NRXN1: variants seen among roughly 807,000 people sequenced by gnomAD.
NRXN1 encodes the protein neurexin 1, also known as neurexin-1.
Under a neutral mutation model 150.9 loss-of-function variants are expected in NRXN1, and 39 were observed. That is an observed-to-expected ratio of 0.26 (90% CI 0.20 to 0.34). NRXN1 has a LOEUF of 0.34. Ranked by LOEUF, NRXN1 falls within the 10% of genes least tolerant of loss-of-function variation. NRXN1 has a pLI of 1.00. For synonymous variants in NRXN1, 924 were observed against 757.0 expected, an observed-to-expected ratio of 1.22 and a Z score of -3.62; for missense variants, 1,815 against 1,949.9, an observed-to-expected ratio of 0.93 and a Z score of 1.30.
chr2:51,001,470 C>A (rs951945372), intron 2 of NRXN1, among the ~76,000 whole-genome samples: 1 of 149,022 alleles, frequency 6.7e-6, no homozygotes, highest in Non-Finnish European at 1.5e-5. Context: ...AAAAAAGATC[C>A]ACACATTTAT....
intron 5 of NRXN1, among the ~76,000 whole-genome samples, chr2:50,672,182 T>C (rs1480682998): frequency 1.3e-5 from 2 of 151,928 alleles, no homozygotes; most frequent in African/African-American, 4.8e-5. Context: ...ACTTAAATAA[T>C]TTGATTTTTT....
intron 2 of NRXN1, among the ~76,000 whole-genome samples, chr2:50,972,295 A>G (rs921802607): frequency 1.3e-4 from 20 of 152,110 alleles, no homozygotes; most frequent in African/African-American, 4.6e-4. Flanking sequence ...GTTAATATTA[A>G]TGCTTTATGT....
chr2:50,368,939 C>G (rs964855574), intron 17 of NRXN1, among the ~76,000 whole-genome samples: 1 of 151,880 alleles, frequency 6.6e-6, no homozygotes, highest in African/African-American at 2.4e-5. Flanking sequence ...GAAATTATAG[C>G]ATTTGTAATA....
At chr2:50,678,979 T>A (rs1689953511) in intron 5 of NRXN1, among the ~76,000 whole-genome samples, 1 of 151,974 alleles carries the variant, frequency 6.6e-6, no homozygotes, top group Non-Finnish European at 1.5e-5. Context: ...AGATGTACGG[T>A]CAGAGTTGGG....
intron 17 of NRXN1, among the ~76,000 whole-genome samples, chr2:50,440,731 T>C (rs2085878620): frequency 2.0e-5 from 3 of 152,188 alleles, no homozygotes; most frequent in African/African-American, 7.2e-5. Context: ...ATCTTATATT[T>C]CCTCTAAGAG....
chr2:50,095,845 G>A (rs1319976613), intron 18 of NRXN1, among the ~76,000 whole-genome samples: 2 of 150,140 alleles, frequency 1.3e-5, no homozygotes, highest in Non-Finnish European at 3.0e-5. Flanking sequence ...GTGCAGGTTT[G>A]TTACATATGT....
chr2:50,976,351 GA>G (rs1158336461), intron 2 of NRXN1, among the ~76,000 whole-genome samples: 1 of 151,550 alleles, frequency 6.6e-6, no homozygotes, highest in African/African-American at 2.4e-5. Context: ...TTTTTCCCTT[GA>G]AAATGATTGA....
intron 5 of NRXN1, among the ~76,000 whole-genome samples, chr2:50,897,228 C>T (rs529834000): frequency 4.6e-5 from 7 of 152,288 alleles, no homozygotes; most frequent in Admixed American, 2.6e-4. Flanking sequence ...ATAAGTACCA[C>T]GTAGGACTGG....
chr2:50,887,696 A>G (rs1445472209), intron 5 of NRXN1, among the ~76,000 whole-genome samples: 1 of 151,462 alleles, frequency 6.6e-6, no homozygotes, highest in African/African-American at 2.4e-5. Context: ...ATAATAGCTA[A>G]TAACTATCAT....
At chr2:50,482,711 C>T (rs985016314) in intron 15 of NRXN1, among the ~76,000 whole-genome samples, 33 of 152,030 alleles carry the variant, frequency 2.2e-4, no homozygotes, top group African/African-American at 7.5e-4. Flanking sequence ...GCTGCATTCC[C>T]GAAAGGTTAG....
chr2:50,649,720 A>G (rs1685333563), intron 5 of NRXN1, among the ~76,000 whole-genome samples: 1 of 151,996 alleles, frequency 6.6e-6, no homozygotes, highest in South Asian at 2.1e-4. Context: ...GGATTAATAT[A>G]TCATTGTCTG....
At chr2:50,927,847 A>C (rs535071376) in intron 2 of NRXN1, among the ~76,000 whole-genome samples, 4 of 152,092 alleles carry the variant, frequency 2.6e-5, no homozygotes, top group Admixed American at 1.3e-4. Flanking sequence ...TTCGGTAGAA[A>C]TTTTGGTAAA....
chr2:50,047,570 A>G (rs1294754644), intron 21 of NRXN1, among the ~76,000 whole-genome samples: 1 of 152,034 alleles, frequency 6.6e-6, no homozygotes, highest in Non-Finnish European at 1.5e-5. Context: ...TCTGGGTCTG[A>G]AGAAATGCCT....
intron 5 of NRXN1, among the ~76,000 whole-genome samples, chr2:50,827,813 G>A (rs376204771): frequency 2.0e-5 from 3 of 150,484 alleles, no homozygotes; most frequent in Non-Finnish European, 4.4e-5. Context: ...GACTCTTAAC[G>A]AGCATGCTGC....
intron 17 of NRXN1, among the ~76,000 whole-genome samples, chr2:50,368,977 G>T (rs999325341): frequency 6.6e-6 from 1 of 151,904 alleles, no homozygotes; most frequent in African/African-American, 2.4e-5. Flanking sequence ...AGGTTTAATT[G>T]TCAGCCAAGA....
chr2:50,039,454 A>G (rs776184801), intron 21 of NRXN1, among the ~76,000 whole-genome samples: 3 of 152,080 alleles, frequency 2.0e-5, no homozygotes, highest in Non-Finnish European at 2.9e-5. Context: ...CAACAGAGTG[A>G]GACTTGGTCT....
chr2:50,082,200 A>G (rs919824096), intron 19 of NRXN1, among the ~76,000 whole-genome samples: 49 of 152,164 alleles, frequency 3.2e-4, no homozygotes, highest in African/African-American at 1.2e-3. Context: ...CAGTAGTTAG[A>G]TTCATTAACC....
chr2:50,868,559 TA>T (rs574744075), intron 5 of NRXN1, among the ~76,000 whole-genome samples: 2 of 151,334 alleles, frequency 1.3e-5, no homozygotes, highest in African/African-American at 2.4e-5. Flanking sequence ...TTGATACAAA[TA>T]AAAAAAATTA....
At chr2:50,577,588 T>C (rs1365189406) in intron 8 of NRXN1, among the ~76,000 whole-genome samples, 1 of 152,142 alleles carries the variant, frequency 6.6e-6, no homozygotes, top group Non-Finnish European at 1.5e-5. Flanking sequence ...TAACACCGTG[T>C]AAAAATGCCA....
Sources: allele counts gnomAD v4.1 joint callset (sites outside exome capture counted in the v4.1 genomes callset), GRCh38; gene constraint gnomAD v4.1.1; transcripts MANE v1.5; gene names NCBI Gene and HGNC (gene_info 2026-07-23, HGNC 2026-07-21).